ATP11C: variants seen among roughly 807,000 people sequenced by gnomAD.
The protein encoded by ATP11C is phospholipid-transporting ATPase IG.
A neutral mutation model predicts 97.4 loss-of-function variants in ATP11C; 36 were observed. The ratio of observed to expected loss-of-function variants is 0.37; its 90% CI spans 0.28 to 0.49. The LOEUF (loss-of-function observed/expected upper bound fraction) is 0.49, where lower values mean the gene tolerates loss of function less well. Among genes scored for constraint, ATP11C ranks in the 20% least tolerant of loss-of-function variants. The probability of loss-of-function intolerance (pLI) is 0.98; values close to 1 mark genes in which losing one functional copy is unlikely to be tolerated. For missense variants in ATP11C, 730 were observed against 824.6 expected (o/e 0.89, Z 1.40); for synonymous variants, 275 against 290.9 (o/e 0.95, Z 0.56).
In ATP11C at chrX:139,788,261, G is replaced by A. The variant is rs775027303; in HGVS notation, c.1451C>T (p.Thr484Ile). 2 of 1,207,205 alleles carry A rather than the reference G, an allele frequency of 1.7e-6. No homozygotes were observed. Among genetic ancestry groups the A allele is most frequent in the East Asian group, 3.0e-5 (1 of 33,798 alleles). ...IKTNDAVDGA[T>I]ESAELTYISS... ...GATATAGGTTAATTCAGCTGATTCT[G>A]TAGCTCCATCAACAGCATCGTTTGT... The change falls in exon 14 of 30, where the codon ACA becomes ATA. Residue 484 changes from threonine (T) to isoleucine (I), a missense_variant. Coordinates refer to ENST00000682941, the MANE Select transcript of ATP11C (RefSeq NM_001353812.2).
At chrX:139,768,585 C>T (rs2082184051) in intron 19 of ATP11C, 151 bp from the exon 20 acceptor site, 1 of 319,601 alleles carries the variant, frequency 3.1e-6, no homozygotes, top group Non-Finnish European at 5.3e-6. Flanking sequence ...AAGCAACTGC[C>T]TCTAATAATG....
chrX:139,876,413 A>C (rs1467919228), intron 1 of ATP11C, among the ~76,000 whole-genome samples: 1 of 112,259 alleles, frequency 8.9e-6, no homozygotes, highest in Non-Finnish European at 1.9e-5. Context: ...AGTGCGGCTG[A>C]AATCCCAATA....
rs2085449978 is a variant in ATP11C, at chrX:139,932,209, C to T, written c.-167G>A. ...CCCCCCTCGGCTCTCCGCGCTCCCC[C>T]GCCCCCCAGCCGCCCGCAGCCTAGC... On this transcript the variant is annotated 5_prime_UTR_variant, in exon 1 of 30. Coordinates refer to ENST00000682941, the MANE Select transcript of ATP11C (RefSeq NM_001353812.2). 1 of 243,025 alleles carries T rather than the reference C, an allele frequency of 4.1e-6. No homozygotes were observed. Among genetic ancestry groups the T allele is most frequent in the African/African-American group, 3.1e-5 (1 of 32,717 alleles). 20.0% of individuals were successfully genotyped at this position (243,025 alleles called of 1,213,427 possible).
intron 1 of ATP11C, among the ~76,000 whole-genome samples, chrX:139,894,307 T>C (rs187647435): frequency 1.5e-4 from 17 of 112,385 alleles, no homozygotes; most frequent in Middle Eastern, 4.6e-3. Context: ...ACACAATCTT[T>C]TGTATTTATA....
chrX:139,843,642 T>C (rs1054038992), intron 1 of ATP11C, among the ~76,000 whole-genome samples: 30 of 111,651 alleles, frequency 2.7e-4, no homozygotes, highest in Admixed American at 9.5e-5. Flanking sequence ...ATACTGGCTA[T>C]GTGTATCAGT....
chrX:139,849,126 C>G (rs768397120), intron 1 of ATP11C, among the ~76,000 whole-genome samples: 1 of 111,300 alleles, frequency 9.0e-6, no homozygotes, highest in Non-Finnish European at 1.9e-5. Flanking sequence ...AGCATTCCCT[C>G]ACACTGTGTG....
At chrX:139,766,601 T>TGC (rs2082142059) in intron 20 of ATP11C, among the ~76,000 whole-genome samples, 2 of 110,541 alleles carry the variant, frequency 1.8e-5, no homozygotes, top group Admixed American at 9.6e-5. Flanking sequence ...TGTGTGTGTG[T>TGC]GCATATGTGT....
intron 16 of ATP11C, among the ~76,000 whole-genome samples, chrX:139,784,817 G>A (rs1481678410): frequency 9.0e-6 from 1 of 111,142 alleles, no homozygotes; most frequent in Non-Finnish European, 1.9e-5. Context: ...GGTCAGTGAG[G>A]GATAACAAGC....
intron 19 of ATP11C, 37 bp downstream of exon 19, chrX:139,774,653 C>G: frequency 8.8e-7 from 1 of 1,133,676 alleles, no homozygotes; most frequent in Non-Finnish European, 1.2e-6. Context: ...ACATCTACAC[C>G]AATGTCTAAA....
At chrX:139,922,519 A>C (rs969260393) in intron 1 of ATP11C, among the ~76,000 whole-genome samples, 22 of 108,617 alleles carry the variant, frequency 2.0e-4, no homozygotes, top group Non-Finnish European at 3.4e-4. Flanking sequence ...CCTAACTTCC[A>C]AGGTGACAGT....
At chrX:139,742,890 T>A (rs374545896) in intron 26 of ATP11C, among the ~76,000 whole-genome samples, 3 of 4,274 alleles carry the variant, frequency 7.0e-4, no homozygotes, top group East Asian at 0.021. Flanking sequence ...TATATATATA[T>A]ATATATATAT....
chrX:139,922,913 G>C (rs1304662608), intron 1 of ATP11C, among the ~76,000 whole-genome samples: 3 of 110,739 alleles, frequency 2.7e-5, no homozygotes, highest in Non-Finnish European at 3.8e-5. Flanking sequence ...TCAGCCTCCC[G>C]AGTAGCTGGG....
At chrX:139,730,674 T>C (rs1377362537) in intron 29 of ATP11C, among the ~76,000 whole-genome samples, 1 of 111,332 alleles carries the variant, frequency 9.0e-6, no homozygotes, top group Non-Finnish European at 1.9e-5. Flanking sequence ...CACAATTGTA[T>C]TCATGATGAT....
chrX:139,907,701 T>C (rs1224444649), intron 1 of ATP11C, among the ~76,000 whole-genome samples: 1 of 108,942 alleles, frequency 9.2e-6, no homozygotes, highest in East Asian at 2.9e-4. Flanking sequence ...TGAGCCGAGA[T>C]TGCGCCACTG....
In ATP11C at chrX:139,741,025, C is replaced by T. The variant is rs2081543945; in HGVS notation, c.3100G>A (p.Val1034Ile). The T allele has an allele frequency of 1.7e-6, 2 of 1,203,671 alleles. No homozygotes were observed. Among genetic ancestry groups the T allele is most frequent in the Non-Finnish European group, 2.2e-6 (2 of 890,129 alleles). ...CCTCCCCAGAAGAATGAGAAAAATACATAGAAGGCTAAAGAACCCCAAATC... is the reference window on the plus strand; with the variant it reads ...CCTCCCCAGAAGAATGAGAAAAATATATAGAAGGCTAAAGAACCCCAAATC... ...FVIWGSLAFY[V>I]FFSFFWGGII... is the part of the protein sequence containing the mutation. The change falls in exon 27 of 30, where the codon GTA (valine) becomes ATA (isoleucine). Residue 1034 changes from valine to isoleucine, a missense_variant. Physicochemically the swap from Val to Ile is conservative, Grantham distance 29 (BLOSUM62 3). Coordinates refer to ENST00000682941, the MANE Select transcript of ATP11C (RefSeq NM_001353812.2).
At chrX:139,832,169 G>GA (rs1460338272) in intron 1 of ATP11C, 1 of 1,207,610 alleles carries the variant, frequency 8.3e-7, no homozygotes, top group African/African-American at 1.7e-5. Flanking sequence ...AGGCTGGAGG[G>GA]AGAGATGGGA....
intron 1 of ATP11C, among the ~76,000 whole-genome samples, chrX:139,918,011 G>T (rs1218619398): frequency 2.9e-5 from 3 of 104,515 alleles, no homozygotes; most frequent in Non-Finnish European, 3.9e-5. Context: ...TATAGCAATT[G>T]TTGGTGAGTA....
chrX:139,892,861 G>A lies in ATP11C; in HGVS notation c.27+39155C>T, dbSNP rs748146627. Among the ~76,000 whole-genome samples, 5 of 112,007 alleles carry A rather than the reference G, an allele frequency of 4.5e-5. No individual in the cohort carries two copies. In the South Asian group the frequency reaches 1.5e-3, roughly 34 times the overall value. Reference sequence around the variant, plus strand: ...CCAGCTCTGTCCATTGGAAAGCCACGTAGACAGAGAAGCCAACAGGCTCAC... The same window carrying A: ...CCAGCTCTGTCCATTGGAAAGCCACATAGACAGAGAAGCCAACAGGCTCAC... On this transcript the variant is annotated intron_variant, in intron 1 of 29. Coordinates refer to ENST00000682941, the MANE Select transcript of ATP11C (RefSeq NM_001353812.2).
At chrX:139,920,785 G>A (rs757959313) in intron 1 of ATP11C, among the ~76,000 whole-genome samples, 1 of 112,151 alleles carries the variant, frequency 8.9e-6, no homozygotes, top group East Asian at 2.8e-4. Context: ...TGCTCCTGGT[G>A]TGCGTCTGTA....
Sources: gnomAD v4.1 joint callset for allele counts (sites outside exome capture counted in the v4.1 genomes callset) on GRCh38, gnomAD v4.1.1 for gene constraint, MANE v1.5 for transcripts, NCBI Gene and HGNC (gene_info 2026-07-23, HGNC 2026-07-21) for gene names.